NPNT: variants seen among roughly 807,000 people sequenced by gnomAD.
NPNT encodes nephronectin, also known as preosteoblast EGF-like repeat protein with MAM domain.
In NPNT, 45 loss-of-function variants were observed where a neutral mutation model predicts 68.6. The observed-to-expected ratio is 0.66, with a 90% confidence interval of 0.52 to 0.84. NPNT has a LOEUF of 0.84. NPNT is among the 40% of genes least tolerant of loss of function. NPNT has a pLI of 0.00. For synonymous variants in NPNT, 233 were observed against 253.3 expected, an observed-to-expected ratio of 0.92 and a Z score of 0.76; for missense variants, 672 against 714.8, an observed-to-expected ratio of 0.94 and a Z score of 0.68.
At chr4:105,917,468 G>T (rs1232487249) in intron 2 of NPNT, among the ~76,000 whole-genome samples, 1 of 151,868 alleles carries the variant, frequency 6.6e-6, no homozygotes, top group African/African-American at 2.4e-5. Context: ...TCAGGAGACT[G>T]TACACTACAG....
intron 10 of NPNT, among the ~76,000 whole-genome samples, chr4:105,965,264 T>A (rs1300004661): frequency 6.6e-6 from 1 of 151,386 alleles, no homozygotes; most frequent in Admixed American, 6.6e-5. Flanking sequence ...AAAATTTTAA[T>A]AGGTAACTTG....
chr4:105,931,732 C>G (rs1038009787), intron 3 of NPNT, among the ~76,000 whole-genome samples: 2 of 150,116 alleles, frequency 1.3e-5, no homozygotes, highest in African/African-American at 4.9e-5. Flanking sequence ...TCCAGCTACT[C>G]GGGAGGCTGT....
At chr4:105,929,940 A>C (rs1269263237) in intron 3 of NPNT, among the ~76,000 whole-genome samples, 3 of 151,962 alleles carry the variant, frequency 2.0e-5, no homozygotes, top group African/African-American at 7.2e-5. Context: ...AAAAAATCGA[A>C]TGTATCAAGT....
intron 10 of NPNT, among the ~76,000 whole-genome samples, chr4:105,960,782 GTA>G: frequency 6.6e-6 from 1 of 150,550 alleles, no homozygotes; most frequent in South Asian, 2.1e-4. Context: ...GTGTGTGTGT[GTA>G]TACAATATAA....
chr4:105,909,747 A>C (rs1727205461), intron 2 of NPNT, among the ~76,000 whole-genome samples: 1 of 152,162 alleles, frequency 6.6e-6, no homozygotes, highest in African/African-American at 2.4e-5. Flanking sequence ...GGTATGGAGA[A>C]CTTTCTAGAG....
intron 10 of NPNT, among the ~76,000 whole-genome samples, chr4:105,962,427 A>C (rs946982413): frequency 6.6e-6 from 1 of 152,150 alleles, no homozygotes; most frequent in African/African-American, 2.4e-5. Context: ...GATGGGTAAA[A>C]AATACAGGGA....
intron 2 of NPNT, among the ~76,000 whole-genome samples, chr4:105,908,169 A>T (rs1173903643): frequency 1.3e-5 from 2 of 151,988 alleles, no homozygotes; most frequent in Non-Finnish European, 2.9e-5. Flanking sequence ...ATTTTTTATT[A>T]GGAGACTTCA....
chr4:105,967,019 C>T (rs1732197255), intron 10 of NPNT, among the ~76,000 whole-genome samples, 169 bp from the exon 11 acceptor site: 1 of 151,804 alleles, frequency 6.6e-6, no homozygotes, highest in African/African-American at 2.4e-5. Context: ...TAAACACATA[C>T]CATAGAACTT....
At chr4:105,898,137 G>T in intron 2 of NPNT, 136 bp downstream of exon 2, 1 of 579,978 alleles carries the variant, frequency 1.7e-6, no homozygotes, top group South Asian at 2.5e-5. Context: ...GGATTTTCAG[G>T]TACAGTCCAG....
intron 11 of NPNT, among the ~76,000 whole-genome samples, 200 bp from the exon 12 acceptor site, chr4:105,968,695 G>A (rs955106505): frequency 3.3e-5 from 5 of 152,166 alleles, no homozygotes; most frequent in Non-Finnish European, 2.9e-5. Context: ...TGAGTAATGT[G>A]GTCTGATGAA....
intron 8 of NPNT, among the ~76,000 whole-genome samples, chr4:105,950,441 A>C (rs1277813579): frequency 6.6e-6 from 1 of 151,912 alleles, no homozygotes; most frequent in African/African-American, 2.4e-5. Flanking sequence ...CTTTATCTTT[A>C]TTTATTTATT....
chr4:105,937,406 A>ATG (rs951184186), intron 4 of NPNT, among the ~76,000 whole-genome samples: 4 of 151,214 alleles, frequency 2.6e-5, no homozygotes, highest in African/African-American at 9.7e-5. Context: ...TTTTTTAAAC[A>ATG]TGTTTACCCA....
intron 2 of NPNT, among the ~76,000 whole-genome samples, chr4:105,901,106 G>A (rs1331505834): frequency 1.3e-5 from 2 of 151,968 alleles, no homozygotes; most frequent in Non-Finnish European, 2.9e-5. Flanking sequence ...CATTTTGATG[G>A]CATATTTTAA....
intron 2 of NPNT, among the ~76,000 whole-genome samples, chr4:105,915,318 G>A (rs1165773649): frequency 6.6e-6 from 1 of 152,152 alleles, no homozygotes; most frequent in African/African-American, 2.4e-5. Context: ...CAAAGAGAAG[G>A]AGAGGGATTG....
At chr4:105,924,039 G>A (rs796257506) in intron 2 of NPNT, among the ~76,000 whole-genome samples, 4 of 140,452 alleles carry the variant, frequency 2.8e-5, no homozygotes, top group South Asian at 2.4e-4. Flanking sequence ...CCTTTGCTGC[G>A]CCCCCCCCCC....
intron 2 of NPNT, among the ~76,000 whole-genome samples, chr4:105,911,471 C>G (rs1016537346): frequency 2.0e-4 from 31 of 152,136 alleles, no homozygotes; most frequent in African/African-American, 7.2e-4. Flanking sequence ...ATAAAATTAT[C>G]CCTTTTCTTA....
rs1578682562 is a variant in NPNT, at chr4:105,958,901, G to A, written c.1247-127G>A. On this transcript the variant is annotated intron_variant, in intron 9 of 11. Coordinates refer to ENST00000379987, the MANE Select transcript of NPNT (RefSeq NM_001033047.3). ...TAATGTAATTTCCCTTTGGTCTTATGGAAAGAAGCTCTGGTTATATGGATA... is the reference window on the plus strand; with the variant it reads ...TAATGTAATTTCCCTTTGGTCTTATAGAAAGAAGCTCTGGTTATATGGATA... 15 of 638,742 alleles carry A rather than the reference G, an allele frequency of 2.3e-5. No homozygotes were observed. In the East Asian group the frequency reaches 4.0e-4, roughly 17 times the overall value. The allele number at this position is 638,742 out of a possible 1,614,324, so 39.6% of individuals were successfully genotyped here. A position where few individuals can be genotyped will look rare whatever the true frequency, so the allele number is the denominator to read the frequency against.
intron 8 of NPNT, among the ~76,000 whole-genome samples, chr4:105,953,473 T>C (rs917689358): frequency 6.6e-6 from 1 of 152,216 alleles, no homozygotes; most frequent in Non-Finnish European, 1.5e-5. Flanking sequence ...AATGAATAGA[T>C]GGCTAAAACT....
At chr4:105,935,261 A>C (rs1415008460) in intron 3 of NPNT, among the ~76,000 whole-genome samples, 1 of 152,180 alleles carries the variant, frequency 6.6e-6, no homozygotes, top group African/African-American at 2.4e-5. Flanking sequence ...GTGCAGAAAA[A>C]TACTTAAAAC....
Sources: allele counts gnomAD v4.1 joint callset (sites outside exome capture counted in the v4.1 genomes callset), GRCh38; gene constraint gnomAD v4.1.1; transcripts MANE v1.5; gene names NCBI Gene and HGNC (gene_info 2026-07-23, HGNC 2026-07-21).